The following ZNF362 variants were observed in gnomAD, a reference collection of about 807,000 sequenced individuals.
ZNF362 encodes the protein zinc finger protein 362.
Under a neutral mutation model 42.9 loss-of-function variants are expected in ZNF362, and 11 were observed. The ratio of observed to expected loss-of-function variants is 0.26; its 90% confidence interval spans 0.16 to 0.42. ZNF362 has a LOEUF of 0.42. Ranked by LOEUF, ZNF362 falls within the 20% of genes least tolerant of loss-of-function variation. ZNF362 has a pLI of 1.00. For missense variants in ZNF362, 362 were observed against 576.2 expected, an observed-to-expected ratio of 0.63 and a Z score of 3.81; for synonymous variants, 255 against 257.3, an observed-to-expected ratio of 0.99 and a Z score of 0.09.
chr1:33,218,834 A>G, the ZNF362 span, among the ~76,000 whole-genome samples: 1 of 151,902 alleles, frequency 6.6e-6, no homozygotes, highest in Admixed American at 6.6e-5. Context: ...CAGATTCCCA[A>G]GAGATTGGAA....
rs1645991072 is a variant in ZNF362, at chr1:33,281,144, T to A, written c.684-443T>A. On this transcript the variant is annotated intron_variant, in intron 5 of 8. Transcript: ENST00000539719. The surrounding 1 kb of genome is among the most constrained non-coding windows in gnomAD (Gnocchi z 4.8). Reference sequence around the variant, plus strand: ...TTTCAGAAAATGCGGATGCCAGGGCTGCATCTCCAGGAATTCTGAGTTAAT... The same window carrying A: ...TTTCAGAAAATGCGGATGCCAGGGCAGCATCTCCAGGAATTCTGAGTTAAT... Among the ~76,000 whole-genome samples, 1 of 152,186 alleles carries A rather than the reference T, an allele frequency of 6.6e-6. No individual in the cohort carries two copies. The highest frequency in any genetic ancestry group is 6.5e-5 in the Admixed American group (1 of 15,278).
At chr1:33,287,444 C>G (rs921440504) in intron 6 of ZNF362, among the ~76,000 whole-genome samples, 1 of 152,170 alleles carries the variant, frequency 6.6e-6, no homozygotes, top group Non-Finnish European at 1.5e-5. Flanking sequence ...TGAGATCACG[C>G]CACTGCACTG....
chr1:33,288,091 T>G (rs1385170485), intron 6 of ZNF362, among the ~76,000 whole-genome samples: 1 of 152,206 alleles, frequency 6.6e-6, no homozygotes, highest in Admixed American at 6.5e-5. Context: ...TATTAAAAAC[T>G]AACACTGCAA....
At chr1:33,137,579 T>G in the ZNF362 span, among the ~76,000 whole-genome samples, 1 of 152,094 alleles carries the variant, frequency 6.6e-6, no homozygotes, top group Non-Finnish European at 1.5e-5. Context: ...CTTGTATAAT[T>G]GGTAAGAAGA....
At chr1:33,236,550 A>ATATAT in the ZNF362 span, among the ~76,000 whole-genome samples, 12 of 5,984 alleles carry the variant, frequency 2.0e-3, 1 homozygote, top group African/African-American at 4.7e-3. Flanking sequence ...AAAAAAAAAA[A>ATATAT]ATATATATAT....
At chr1:33,261,374 G>A (rs1645826963) in intron 1 of ZNF362, 1 of 152,216 alleles carries the variant, frequency 6.6e-6, no homozygotes, top group Non-Finnish European at 1.5e-5. Flanking sequence ...TAACGCCTGG[G>A]AAGTGGTGTT....
intron 6 of ZNF362, among the ~76,000 whole-genome samples, chr1:33,289,107 A>G (rs1646055332): frequency 6.6e-6 from 1 of 152,050 alleles, no homozygotes; most frequent in Non-Finnish European, 1.5e-5. Context: ...GAGAGAGGGA[A>G]GTAGGAGGTG....
the ZNF362 span, chr1:33,165,100 T>G: frequency 5.9e-6 from 1 of 169,900 alleles, no homozygotes; most frequent in East Asian, 1.6e-4. The surrounding 1 kb of genome is among the most constrained non-coding windows in gnomAD (Gnocchi z 4.0). Context: ...GTTGGGCGGT[T>G]TTAATAAGGG....
the ZNF362 span, among the ~76,000 whole-genome samples, chr1:33,148,320 T>TTTCATGTTTA: frequency 6.6e-6 from 1 of 152,256 alleles, no homozygotes; most frequent in Admixed American, 6.5e-5. Context: ...CCTAACTCCA[T>TTTCATGTTTA]TTCATGTATA....
chr1:33,160,032 A>C, the ZNF362 span: 1 of 1,531,456 alleles, frequency 6.5e-7, no homozygotes, highest in Non-Finnish European at 8.8e-7. Context: ...GCCTTGACAC[A>C]CAGAGAGGAA....
intron 1 of ZNF362, among the ~76,000 whole-genome samples, chr1:33,268,755 A>G (rs1434760595): frequency 6.6e-6 from 1 of 152,242 alleles, no homozygotes; most frequent in East Asian, 1.9e-4. Flanking sequence ...TGGGCAGTGC[A>G]AAGTAGAACA....
chr1:33,181,140 T>C, the ZNF362 span: 11 of 1,600,608 alleles, frequency 6.9e-6, no homozygotes, highest in Admixed American at 5.0e-5. The surrounding 1 kb of genome is among the most constrained non-coding windows in gnomAD (Gnocchi z 6.5). Context: ...GAGCTTGACC[T>C]TGTCGTGCGC....
At chr1:33,189,998 G>A in the ZNF362 span, among the ~76,000 whole-genome samples, 1 of 151,832 alleles carries the variant, frequency 6.6e-6, no homozygotes, top group Non-Finnish European at 1.5e-5. Flanking sequence ...TGGCAATTTG[G>A]ATCCCCTGGA....
chr1:33,286,110 C>T (rs1433581679), intron 6 of ZNF362, among the ~76,000 whole-genome samples: 2 of 152,098 alleles, frequency 1.3e-5, no homozygotes, highest in Non-Finnish European at 2.9e-5. Context: ...ATACAAAACC[C>T]AATCATTGTA....
the ZNF362 span, among the ~76,000 whole-genome samples, chr1:33,220,361 G>A: frequency 3.3e-5 from 5 of 152,122 alleles, no homozygotes; most frequent in African/African-American, 4.8e-5. Context: ...CTCTTTACAA[G>A]CATTACATCC....
the ZNF362 span, among the ~76,000 whole-genome samples, chr1:33,139,053 GGAA>G: frequency 6.6e-6 from 1 of 152,188 alleles, no homozygotes; most frequent in Non-Finnish European, 1.5e-5. Context: ...CTGGGACTGG[GGAA>G]GAAGGAGAAT....
the ZNF362 span, among the ~76,000 whole-genome samples, chr1:33,229,141 C>T: frequency 6.6e-6 from 1 of 152,066 alleles, no homozygotes; most frequent in Admixed American, 6.6e-5. Context: ...GACTACTCTC[C>T]ACCCCACCCA....
chr1:33,164,308 C>G, the ZNF362 span: 1 of 152,280 alleles, frequency 6.6e-6, no homozygotes, highest in Admixed American at 6.5e-5. Flanking sequence ...AGGATGACCT[C>G]CAGAGGCCCA....
chr1:33,149,740 C>A, the ZNF362 span, among the ~76,000 whole-genome samples: 4 of 152,230 alleles, frequency 2.6e-5, no homozygotes, highest in Non-Finnish European at 5.9e-5. Flanking sequence ...TAGGTGTGAG[C>A]CACTGCACCT....
Sources: gnomAD v4.1 joint callset for allele counts (sites outside exome capture counted in the v4.1 genomes callset) on GRCh38, gnomAD v4.1.1 for gene constraint, Gnocchi (gnomAD v3.1) non-coding constraint, MANE v1.5 for transcripts, NCBI Gene and HGNC (gene_info 2026-07-23, HGNC 2026-07-21) for gene names.